The following TYK2 variants were observed in gnomAD, a reference collection of about 807,000 sequenced individuals.
TYK2 encodes tyrosine kinase 2, also known as non-receptor tyrosine-protein kinase TYK2.
A neutral mutation model predicts 130.9 loss-of-function variants in TYK2; 65 were observed. The observed-to-expected ratio is 0.50, with a 90% CI of 0.41 to 0.61. The LOEUF is 0.61. TYK2 is among the 20% of genes least tolerant of loss of function. TYK2 has a pLI of 0.00. For missense variants in TYK2, 1,378 were observed against 1,610.7 expected (o/e 0.86, Z 2.47); for synonymous variants, 647 against 658.9 (o/e 0.98, Z 0.28).
intron 3 of TYK2, among the ~76,000 whole-genome samples, chr19:10,373,152 T>C (rs535325124): frequency 6.6e-6 from 1 of 151,144 alleles, no homozygotes; most frequent in African/African-American, 2.4e-5. Flanking sequence ...TTCTCCTGCC[T>C]CAGCCTCCTG....
chr19:10,354,392 C>A, intron 19 of TYK2, 120 bp downstream of exon 19: 1 of 1,348,944 alleles, frequency 7.4e-7, no homozygotes, highest in East Asian at 2.3e-5. Context: ...CTAGGCCTCC[C>A]TCAAAGCAGA....
intron 18 of TYK2, among the ~76,000 whole-genome samples, chr19:10,355,419 C>T (rs1203827418): frequency 1.3e-5 from 2 of 152,070 alleles, no homozygotes; most frequent in Non-Finnish European, 2.9e-5. Flanking sequence ...GAGGGTGGAT[C>T]ACCTGAGGTC....
At chr19:10,368,484 C>A in intron 3 of TYK2, 66 bp from the exon 4 acceptor site, 2 of 1,610,302 alleles carry the variant, frequency 1.2e-6, no homozygotes, top group South Asian at 2.2e-5. Context: ...AAAGACCCCC[C>A]AGACCCAATG....
rs2041119026 is a variant in TYK2 at position 10,356,662 on chromosome 19, C to G, written c.2523G>C (p.Leu841=). ...TCAGACACTGGCTGGTGAGTGTGGCCAGCTGTGGGCAGGAGGGCTCGGGCA... is the reference window on the plus strand; with the variant it reads ...TCAGACACTGGCTGGTGAGTGTGGCGAGCTGTGGGCAGGAGGGCTCGGGCA... ...HRLPEPSCPQ[L]ATLTSQCLTY... The change falls in exon 18 of 25, where the codon CTG becomes CTC. Residue 841 remains leucine (L), a synonymous_variant. Transcript: ENST00000525621. The G allele has an allele frequency of 6.2e-7, 1 of 1,612,628 alleles. No homozygotes were observed. Among genetic ancestry groups the G allele is most frequent in the African/African-American group, 1.3e-5 (1 of 74,884 alleles).
Position 10,358,082 on chromosome 19 carries a change from C to T in TYK2, c.2232G>A (p.Arg744=), listed in dbSNP as rs574262209. Residue 744 remains arginine, a synonymous_variant, in exon 16 of 25, where the codon CGG becomes CGA. Coordinates refer to ENST00000525621, the MANE Select transcript of TYK2 (RefSeq NM_003331.5). ...GGCTGGTGCCCTCTGCCAACCCCAG[C>T]CGGGCCAGCAGGATGTTCCGGCCAC... is the stretch of plus-strand genomic sequence containing the variant. The part of the protein sequence containing the change: ...NVCGRNILLA[R]LGLAEGTSPF... 3.2e-5 allele frequency: 52 copies of T among 1,612,886 alleles called. No homozygotes were observed. The South Asian group carries it at 5.2e-4, about 16-fold the overall frequency.
chr19:10,356,784 CAG>C (rs1231599190), intron 17 of TYK2, 66 bp from the exon 18 acceptor site: 59 of 1,530,582 alleles, frequency 3.9e-5, no homozygotes, highest in Non-Finnish European at 5.1e-5. Context: ...CCCCAAGAGG[CAG>C]AGTCAAGTCC....
In TYK2 at chr19:10,354,516, C is replaced by T. The variant is rs995547125; in HGVS notation, c.2711G>A (p.Gly904Asp). 1 of 1,614,072 alleles carries T rather than the reference C, an allele frequency of 6.2e-7. No homozygotes were observed. Among genetic ancestry groups the T allele is most frequent in the South Asian group, 1.1e-5 (1 of 91,088 alleles). ...KRYLKKIRDL[G>D]EGHFGKVSLY... ...CAGCTCAGGCCCGTCCCTCACCTCG[C>T]CCAGATCTCGGATCTTTTTCAAATA... is the stretch of plus-strand genomic sequence containing the variant. Residue 904 changes from glycine (G) to aspartate (D), a missense_variant, in exon 19 of 25, where the codon GGC becomes GAC. By Grantham distance (94) the Gly-to-Asp change is moderately conservative. Coordinates refer to ENST00000525621, the MANE Select transcript of TYK2 (RefSeq NM_003331.5).
intron 7 of TYK2, 102 bp from the exon 8 acceptor site, chr19:10,365,150 C>T: frequency 7.4e-7 from 1 of 1,353,226 alleles, no homozygotes; most frequent in African/African-American, 1.5e-5. Context: ...GGGCCAGGCA[C>T]CAACCTAGGT....
At position 10,353,585 on chromosome 19, in the gene TYK2, C is replaced by A. The variant is rs1451720951; in HGVS notation, c.2970G>T (p.Leu990=). ...GGGCCAGCCCGATGCTGTGCCGGGGCAGGTAGTCTCGGAGGCTGCCCAGGG... is the reference window on the plus strand; with the variant it reads ...GGGCCAGCCCGATGCTGTGCCGGGGAAGGTAGTCTCGGAGGCTGCCCAGGG... The part of the protein sequence containing the change: ...YVPLGSLRDY[L]PRHSIGLAQL... Residue 990 remains leucine, a synonymous_variant, in exon 21 of 25, where the codon CTG becomes CTT. Transcript: ENST00000525621. This position sits in a 1 kb window ranked among gnomAD's most constrained non-coding sequence, Gnocchi z 6.9. 2.0e-6 allele frequency: 3 copies of A among 1,490,894 alleles called. No homozygotes were observed. Among genetic ancestry groups the A allele is most frequent in the South Asian group, 2.8e-5 (2 of 71,772 alleles). The allele number at this position is 1,490,894 out of a possible 1,614,324, so 92.4% of individuals were successfully genotyped here. A position where few individuals can be genotyped will look rare whatever the true frequency, so the allele number is the denominator to read the frequency against.
chr19:10,354,148 T>G lies in TYK2; in HGVS notation c.2802A>C (p.Ala934=), dbSNP rs1451002975. 1.2e-6 allele frequency: 2 copies of G among 1,614,042 alleles called. No individual in the cohort carries two copies. The highest frequency in any genetic ancestry group is 2.2e-5 in the East Asian group (1 of 44,888). ...GEMVAVKALK[A]DCGPQHRSGW... ...CCGAGCGGTGCTGGGGGCCGCAGTC[T>G]GCCTTGAGGGCTTTCACCGCCACCA... is the stretch of plus-strand genomic sequence containing the variant. Residue 934 remains alanine, a synonymous_variant, in exon 20 of 25, where the codon GCA becomes GCC. Transcript: ENST00000525621.
At position 10,351,146 on chromosome 19, in the gene TYK2, A is replaced by G. The variant is rs750010598; in HGVS notation, c.3335T>C (p.Ile1112Thr). Residue 1112 changes from isoleucine (I) to threonine (T), a missense_variant, in exon 24 of 25, where the codon ATA (isoleucine) becomes ACA (threonine). Coordinates refer to ENST00000525621, the MANE Select transcript of TYK2 (RefSeq NM_003331.5). ...QSPPTKFLEL[I>T]GIAQGQMTVL... ...TGTCATCTGACCCTGAGCAATGCCT[A>G]TGAGCTCAAGGAATTTCTACAGTAT... 4 of 1,613,284 alleles carry G rather than the reference A, an allele frequency of 2.5e-6. No homozygotes were observed. Among genetic ancestry groups the G allele is most frequent in the South Asian group, 2.2e-5 (2 of 91,050 alleles).
intron 9 of TYK2, among the ~76,000 whole-genome samples, chr19:10,363,907 G>C (rs541904889): frequency 2.0e-4 from 31 of 152,264 alleles, no homozygotes; most frequent in African/African-American, 7.5e-4. Context: ...TCACAGGTAG[G>C]ACAAGGGACA....
chr19:10,362,071 C>T lies in TYK2; in HGVS notation c.1773+7G>A. The T allele has an allele frequency of 1.2e-6, 2 of 1,614,032 alleles. No homozygotes were observed. The highest frequency in any genetic ancestry group is 1.7e-6 in the Non-Finnish European group (2 of 1,179,954). On this transcript the variant is annotated splice_region_variant and intron_variant, in intron 12 of 24. Transcript: ENST00000525621. ...GCCCTTGCCCCGGGCCCCTTCCCTGCACCCACCTGGGTGATCTCCTTCTGG... is the reference window on the plus strand; with the variant it reads ...GCCCTTGCCCCGGGCCCCTTCCCTGTACCCACCTGGGTGATCTCCTTCTGG...
At chr19:10,362,761 T>A in intron 9 of TYK2, 104 bp from the exon 10 acceptor site, 1 of 996,340 alleles carries the variant, frequency 1.0e-6, no homozygotes, top group Non-Finnish European at 1.5e-6. Context: ...CACACACAGC[T>A]AGGACAAGTG....
intron 18 of TYK2, among the ~76,000 whole-genome samples, chr19:10,355,678 AATAGG>A (rs903589078): frequency 3.3e-5 from 5 of 151,162 alleles, no homozygotes; most frequent in African/African-American, 1.2e-4. Context: ...AAAAAAAGAA[AATAGG>A]TCAGGCGCAG....
Position 10,359,276 on chromosome 19 carries a change from G to A in TYK2, c.2074C>T (p.His692Tyr), listed in dbSNP as rs2041270364. 3 of 1,611,850 alleles carry A rather than the reference G, an allele frequency of 1.9e-6. No homozygotes were observed. The highest frequency in any genetic ancestry group is 1.6e-4 in the Middle Eastern group (1 of 6,062). Reference sequence around the variant, plus strand: ...CGCAGCCACACATCCAGGGGTCCGTGCTCCACGTACTCTGTCACCATGATA... The same window carrying A: ...CGCAGCCACACATCCAGGGGTCCGTACTCCACGTACTCTGTCACCATGATA... The part of the protein sequence containing the change: ...ENIMVTEYVE[H>Y]GPLDVWLRRE... The change falls in exon 15 of 25, where the codon CAC becomes TAC. Residue 692 changes from histidine to tyrosine, a missense_variant. His to Tyr is a moderately conservative substitution (Grantham distance 83). Transcript: ENST00000525621.
chr19:10,357,583 A>G (rs1327396915), intron 17 of TYK2, 181 bp downstream of exon 17: 1 of 839,782 alleles, frequency 1.2e-6, no homozygotes, highest in Non-Finnish European at 2.0e-6. Context: ...AGTGACTTCC[A>G]CAAGGACCTA....
In TYK2 at chr19:10,361,701, C is replaced by A. The variant is rs2041411907; in HGVS notation, c.1959+69G>T. 1.4e-5 allele frequency: 23 copies of A among 1,588,472 alleles called. No individual in the cohort carries two copies. The highest frequency in any genetic ancestry group is 1.8e-5 in the Non-Finnish European group (21 of 1,165,942). On this transcript the variant is annotated intron_variant, in intron 13 of 24. Transcript: ENST00000525621. This position sits in a 1 kb window ranked among gnomAD's most constrained non-coding sequence, Gnocchi z 4.0. The stretch of plus-strand genomic sequence containing the variant: ...ATCCCACCTCCTCCACAGACACACC[C>A]CTCCCATCCCACCTCCTCCGGCCAC...
At chr19:10,366,286 G>T in intron 6 of TYK2, 131 bp downstream of exon 6, 1 of 938,962 alleles carries the variant, frequency 1.1e-6, no homozygotes, top group Non-Finnish European at 1.6e-6. Context: ...CAGCCTAGGT[G>T]ACAGAGAGAG....
Sources: gnomAD v4.1 joint callset for allele counts (sites outside exome capture counted in the v4.1 genomes callset) on GRCh38, gnomAD v4.1.1 for gene constraint, Gnocchi (gnomAD v3.1) non-coding constraint, MANE v1.5 for transcripts, NCBI Gene and HGNC (gene_info 2026-07-23, HGNC 2026-07-21) for gene names.